The following GTSE1 variants were observed in gnomAD, a reference collection of about 807,000 sequenced individuals.
GTSE1 encodes G2 and S phase-expressed protein 1.
Under a neutral mutation model 60.5 loss-of-function variants are expected in GTSE1, and 52 were observed. The ratio of observed to expected loss-of-function variants is 0.86; its 90% CI spans 0.69 to 1.08. The LOEUF (loss-of-function observed/expected upper bound fraction) is 1.08, where lower values mean the gene tolerates loss of function less well. GTSE1 is among the 50% of genes least tolerant of loss of function. The pLI is 0.00. For synonymous variants in GTSE1, 368 were observed against 386.5 expected (o/e 0.95, Z 0.56); for missense variants, 937 against 961.8 (o/e 0.97, Z 0.34).
At chr22:46,326,146 G>A (rs186263912) in intron 8 of GTSE1, among the ~76,000 whole-genome samples, 124 of 152,388 alleles carry the variant, frequency 8.1e-4, no homozygotes, top group African/African-American at 2.2e-3. Flanking sequence ...GGTAGCATCC[G>A]TAAAGTGTAA....
chr22:46,326,804 A>C (rs1475009123), intron 9 of GTSE1, 150 bp downstream of exon 9: 6 of 582,280 alleles, frequency 1.0e-5, no homozygotes, highest in Non-Finnish European at 1.2e-5. Context: ...TTGCAAAGAG[A>C]AAATGCAATA....
chr22:46,298,215 G>A (rs557255162), intron 2 of GTSE1, among the ~76,000 whole-genome samples: 4 of 151,604 alleles, frequency 2.6e-5, no homozygotes, highest in Non-Finnish European at 4.4e-5. Context: ...TGCCTGCCTC[G>A]GCCTCCCAAA....
rs1461519078 is a variant in GTSE1, at chr22:46,330,111, C to T, written c.2201C>T (p.Ser734Phe). The T allele has an allele frequency of 6.2e-7, 1 of 1,603,722 alleles. No individual in the cohort carries two copies. Among genetic ancestry groups the T allele is most frequent in the Non-Finnish European group, 8.5e-7 (1 of 1,170,426 alleles). ...SPEADKENVD[S>F]PLLKF ...GAGGCTGACAAGGAGAACGTGGATTCCCCACTCCTCAAGTTCTAAGCCGAA... is the reference window on the plus strand; with the variant it reads ...GAGGCTGACAAGGAGAACGTGGATTTCCCACTCCTCAAGTTCTAAGCCGAA... Residue 734 changes from serine to phenylalanine, a missense_variant, in exon 12 of 12, where the codon TCC becomes TTC. By Grantham distance (155) the Ser-to-Phe change is radical. Transcript: ENST00000454366. The surrounding 1 kb of genome is among the most constrained non-coding windows in gnomAD (Gnocchi z 6.0).
At position 46,313,242 on chromosome 22, in the gene GTSE1, T is replaced by C. The variant is rs1277734483; in HGVS notation, c.928-648T>C. 1.3e-5 allele frequency among the ~76,000 whole-genome samples: 2 copies of C among 151,934 alleles called. No individual in the cohort carries two copies. Among genetic ancestry groups the C allele is most frequent in the African/African-American group, 4.8e-5 (2 of 41,372 alleles). On this transcript the variant is annotated intron_variant, in intron 5 of 11. Coordinates refer to ENST00000454366, the MANE Select transcript of GTSE1 (RefSeq NM_016426.7). The surrounding 1 kb of genome is among the most constrained non-coding windows in gnomAD (Gnocchi z 4.4). ...GGCATGGAGACTACCAGCCACATCT[T>C]TGCCACTTATTTTCTGGCATTGGCG...
At chr22:46,307,623 C>A (rs1265043908) in intron 2 of GTSE1, among the ~76,000 whole-genome samples, 1 of 152,112 alleles carries the variant, frequency 6.6e-6, no homozygotes, top group Non-Finnish European at 1.5e-5. Flanking sequence ...CCTGCCTCAG[C>A]CTCCGAGTAG....
chr22:46,328,340 C>T (rs934245282), intron 9 of GTSE1, among the ~76,000 whole-genome samples: 9 of 152,172 alleles, frequency 5.9e-5, no homozygotes, highest in Non-Finnish European at 1.3e-4. Context: ...TAGCTGCATG[C>T]GAGGAGGAGC....
At position 46,308,366 on chromosome 22, in the gene GTSE1, A is replaced by C; in HGVS notation, c.185A>C (p.Glu62Ala). ...EVFFGPFGHKERCIAASLELN... is the reference protein window; with the variant it reads ...EVFFGPFGHKARCIAASLELN... ...TTCTTCGGACCCTTTGGACATAAAGAAAGATGTATTGCTGCCAGCTTGGAA... is the reference window on the plus strand; with the variant it reads ...TTCTTCGGACCCTTTGGACATAAAGCAAGATGTATTGCTGCCAGCTTGGAA... Residue 62 changes from glutamate (E) to alanine (A), a missense_variant, in exon 4 of 12, where the codon GAA (glutamate) becomes GCA (alanine). Coordinates refer to ENST00000454366, the MANE Select transcript of GTSE1 (RefSeq NM_016426.7). The C allele has an allele frequency of 6.2e-7, 1 of 1,614,148 alleles. No homozygotes were observed. The highest frequency in any genetic ancestry group is 8.5e-7 in the Non-Finnish European group (1 of 1,179,960).
In GTSE1 at chr22:46,297,510, G is replaced by A. The variant is rs778375629; in HGVS notation, c.79+31G>A. 5.6e-6 allele frequency: 8 copies of A among 1,418,482 alleles called. No individual in the cohort carries two copies. The highest frequency in any genetic ancestry group is 8.0e-6 in the Non-Finnish European group (8 of 1,004,890). 87.9% of individuals were successfully genotyped at this position (1,418,482 alleles called of 1,614,324 possible). On this transcript the variant is annotated intron_variant, in intron 2 of 11. Transcript: ENST00000454366. This position sits in a 1 kb window ranked among gnomAD's most constrained non-coding sequence, Gnocchi z 4.9. ...TCCTTGCTGCTGCGGCGCTGTTGTTGTTCAGGATGTTCAGTAGAGATGGAG... is the reference window on the plus strand; with the variant it reads ...TCCTTGCTGCTGCGGCGCTGTTGTTATTCAGGATGTTCAGTAGAGATGGAG...
chr22:46,327,188 T>G (rs1417742452), intron 9 of GTSE1: 1 of 150,916 alleles, frequency 6.6e-6, no homozygotes, highest in African/African-American at 2.4e-5. Flanking sequence ...GGGGACAGAG[T>G]GAGACCCCGT....
Position 46,317,486 on chromosome 22 carries a change from T to A in GTSE1, c.1432+1074T>A, listed in dbSNP as rs1247496590. 1.3e-5 allele frequency among the ~76,000 whole-genome samples: 2 copies of A among 152,232 alleles called. No homozygotes were observed. The highest frequency in any genetic ancestry group is 4.8e-5 in the African/African-American group (2 of 41,458). ...GATTCTTCTCATACCATCTTCCCCA[T>A]CATTTTGGGGTCTGTTTCGACTGAC... On this transcript the variant is annotated intron_variant, in intron 7 of 11. Coordinates refer to ENST00000454366, the MANE Select transcript of GTSE1 (RefSeq NM_016426.7). The surrounding 1 kb of genome is among the most constrained non-coding windows in gnomAD (Gnocchi z 5.6).
At chr22:46,299,072 AT>A (rs1443630451) in intron 2 of GTSE1, among the ~76,000 whole-genome samples, 1 of 152,210 alleles carries the variant, frequency 6.6e-6, no homozygotes, top group South Asian at 2.1e-4. Flanking sequence ...ACATTGCTGA[AT>A]CTCTTTTCAC....
Position 46,322,933 on chromosome 22 carries a change from C to G in GTSE1, c.1433-257C>G, listed in dbSNP as rs143998859. On this transcript the variant is annotated intron_variant, in intron 7 of 11. Coordinates refer to ENST00000454366, the MANE Select transcript of GTSE1 (RefSeq NM_016426.7). ...GTGGGGCGGCGCAGTGAAGATGGCT[C>G]TTCTCTTTCTCCCCCGTGTCCATCC... 2.0e-5 allele frequency among the ~76,000 whole-genome samples: 3 copies of G among 152,320 alleles called. No individual in the cohort carries two copies. In the East Asian group the frequency reaches 5.8e-4, roughly 29 times the overall value.
In GTSE1 at chr22:46,313,112, G is replaced by C. The variant is rs1479013794; in HGVS notation, c.928-778G>C. Among the ~76,000 whole-genome samples the C allele has an allele frequency of 6.7e-6, 1 of 149,122 alleles. No homozygotes were observed. Among genetic ancestry groups the C allele is most frequent in the African/African-American group, 2.5e-5 (1 of 40,404 alleles). On this transcript the variant is annotated intron_variant, in intron 5 of 11. Transcript: ENST00000454366. The surrounding 1 kb of genome is among the most constrained non-coding windows in gnomAD (Gnocchi z 4.4). ...CAGGAGGTCAAGGCTGCAGTGAGCTGTGATCATGCCACTGCATTCCATTCC... is the reference window on the plus strand; with the variant it reads ...CAGGAGGTCAAGGCTGCAGTGAGCTCTGATCATGCCACTGCATTCCATTCC...
rs374397533 is a variant in GTSE1 at position 46,316,001 on chromosome 22, A to G, written c.1052-31A>G. ...TGTTAAATAGCTTCATACTTTTATA[A>G]TAATGTGATTTTTGTGTGTATACCT... On this transcript the variant is annotated intron_variant, in intron 6 of 11. Transcript: ENST00000454366. This position sits in a 1 kb window ranked among gnomAD's most constrained non-coding sequence, Gnocchi z 5.0. 4.0e-5 allele frequency: 58 copies of G among 1,467,024 alleles called. 1 individual carries two copies. The African/African-American group carries it at 7.6e-4, about 19-fold the overall frequency. 90.9% of individuals were successfully genotyped at this position (1,467,024 alleles called of 1,614,324 possible).
rs2077768080 is a variant in GTSE1, at chr22:46,314,631, T to C, written c.1051+618T>C. Among the ~76,000 whole-genome samples the C allele has an allele frequency of 6.6e-6, 1 of 152,118 alleles. No homozygotes were observed. The highest frequency in any genetic ancestry group is 1.5e-5 in the Non-Finnish European group (1 of 68,018). ...GGGCTCACGCCTGTGATCCCAGCAC[T>C]TTGGCAGGCCAAGATGGGTGGATCG... On this transcript the variant is annotated intron_variant, in intron 6 of 11. Coordinates refer to ENST00000454366, the MANE Select transcript of GTSE1 (RefSeq NM_016426.7). The surrounding 1 kb of genome is among the most constrained non-coding windows in gnomAD (Gnocchi z 7.1).
Position 46,297,533 on chromosome 22 carries a change from G to C in GTSE1, c.79+54G>C. 1 of 1,211,954 alleles carries C rather than the reference G, an allele frequency of 8.3e-7. No homozygotes were observed. Among genetic ancestry groups the C allele is most frequent in the South Asian group, 1.2e-5 (1 of 80,572 alleles). The allele number at this position is 1,211,954 out of a possible 1,614,324, so 75.1% of individuals were successfully genotyped here. On this transcript the variant is annotated intron_variant, in intron 2 of 11. Coordinates refer to ENST00000454366, the MANE Select transcript of GTSE1 (RefSeq NM_016426.7). The surrounding 1 kb of genome is among the most constrained non-coding windows in gnomAD (Gnocchi z 4.9). ...TTGTTCAGGATGTTCAGTAGAGATGGAGGGTGATTTAATGTTTCCCTGAGA... is the reference window on the plus strand; with the variant it reads ...TTGTTCAGGATGTTCAGTAGAGATGCAGGGTGATTTAATGTTTCCCTGAGA...
rs551328778 is a variant in GTSE1 at position 46,310,796 on chromosome 22, G to C, written c.763-1345G>C. ...AATACAAAAATTAGCCAAGTATGGT[G>C]GTGCACACCTGTAATCCCAGCTACT... On this transcript the variant is annotated intron_variant, in intron 4 of 11. Coordinates refer to ENST00000454366, the MANE Select transcript of GTSE1 (RefSeq NM_016426.7). This position sits in a 1 kb window ranked among gnomAD's most constrained non-coding sequence, Gnocchi z 4.4. 7.2e-5 allele frequency among the ~76,000 whole-genome samples: 11 copies of C among 152,308 alleles called. No individual in the cohort carries two copies. In the East Asian group the frequency reaches 1.5e-3, roughly 21 times the overall value.
chr22:46,309,346 G>T lies in GTSE1; in HGVS notation c.762+403G>T, dbSNP rs141935998. On this transcript the variant is annotated intron_variant, in intron 4 of 11. Transcript: ENST00000454366. This position sits in a 1 kb window ranked among gnomAD's most constrained non-coding sequence, Gnocchi z 6.2. ...GGCACTGAGTGAGGTGAGCTTTCCT[G>T]GGAGGTGGCAGTTGACAGGGGTGCC... is the stretch of plus-strand genomic sequence containing the variant. Among the ~76,000 whole-genome samples the T allele has an allele frequency of 1.3e-5, 2 of 152,180 alleles. No homozygotes were observed. The highest frequency in any genetic ancestry group is 2.9e-5 in the Non-Finnish European group (2 of 68,014).
At position 46,304,384 on chromosome 22, in the gene GTSE1, A is replaced by G. The variant is rs2077705361; in HGVS notation, c.80-3766A>G. Among the ~76,000 whole-genome samples, 1 of 152,128 alleles carries G rather than the reference A, an allele frequency of 6.6e-6. No homozygotes were observed. The highest frequency in any genetic ancestry group is 6.6e-5 in the Admixed American group (1 of 15,264). On this transcript the variant is annotated intron_variant, in intron 2 of 11. Transcript: ENST00000454366. This position sits in a 1 kb window ranked among gnomAD's most constrained non-coding sequence, Gnocchi z 4.4. The stretch of plus-strand genomic sequence containing the variant: ...CCTGTCTTTAGAAGGAATACTTCTG[A>G]CGTTATCCCACTGAACCTAATGCTG...
Sources: gnomAD v4.1 joint callset for allele counts (sites outside exome capture counted in the v4.1 genomes callset) on GRCh38, gnomAD v4.1.1 for gene constraint, Gnocchi (gnomAD v3.1) non-coding constraint, MANE v1.5 for transcripts, NCBI Gene and HGNC (gene_info 2026-07-23, HGNC 2026-07-21) for gene names.